GRXCR2: variants seen among roughly 807,000 people sequenced by gnomAD.
GRXCR2 encodes the protein glutaredoxin and cysteine rich domain containing 2.
Under a neutral mutation model 24.8 loss-of-function variants are expected in GRXCR2, and 23 were observed. That is an observed-to-expected ratio of 0.93 (90% CI 0.67 to 1.32). The LOEUF (loss-of-function observed/expected upper bound fraction) is 1.32. Among genes scored for constraint, GRXCR2 ranks in the 40% most tolerant of loss-of-function variants. GRXCR2 has a pLI of 0.00. For missense variants in GRXCR2, 315 were observed against 303.4 expected (o/e 1.04, Z -0.28); for synonymous variants, 130 against 116.1 (o/e 1.12, Z -0.77).
intron 2 of GRXCR2, among the ~76,000 whole-genome samples, chr5:145,928,774 G>A (rs1757435736): frequency 7.2e-6 from 1 of 139,282 alleles, no homozygotes; most frequent in Admixed American, 7.5e-5. Flanking sequence ...AGGGGGGAAG[G>A]ATAGCATTAG....
chr5:145,907,420 T>C (rs1411200925), intron 2 of GRXCR2, among the ~76,000 whole-genome samples: 1 of 151,966 alleles, frequency 6.6e-6, no homozygotes, highest in Non-Finnish European at 1.5e-5. Flanking sequence ...GCCCAGCTGC[T>C]TGGGAGGCCA....
chr5:145,862,488 T>C (rs1756355671), intron 2 of GRXCR2, among the ~76,000 whole-genome samples: 1 of 152,230 alleles, frequency 6.6e-6, no homozygotes, highest in Non-Finnish European at 1.5e-5. Context: ...AAGGCTTGTA[T>C]ACTATAAGCC....
intron 2 of GRXCR2, among the ~76,000 whole-genome samples, chr5:145,893,910 G>T: frequency 6.6e-6 from 1 of 151,970 alleles, no homozygotes; most frequent in Non-Finnish European, 1.5e-5. Flanking sequence ...AAATGTAAAA[G>T]AACAGAAATT....
At chr5:145,911,007 A>T (rs1757159229) in intron 2 of GRXCR2, among the ~76,000 whole-genome samples, 1 of 151,176 alleles carries the variant, frequency 6.6e-6, no homozygotes, top group Non-Finnish European at 1.5e-5. Flanking sequence ...TTTTTTTTGG[A>T]AGCAAATTTA....
At chr5:145,893,426 G>A (rs1756900492) in intron 2 of GRXCR2, among the ~76,000 whole-genome samples, 1 of 152,094 alleles carries the variant, frequency 6.6e-6, no homozygotes, top group Non-Finnish European at 1.5e-5. Context: ...CAAAATAAAG[G>A]GATGGAGGAA....
chr5:145,930,285 A>T (rs1757461318), intron 2 of GRXCR2, among the ~76,000 whole-genome samples: 1 of 152,060 alleles, frequency 6.6e-6, no homozygotes, highest in African/African-American at 2.4e-5. Context: ...AGGTTTTGCC[A>T]CGTTGCCCAG....
At chr5:145,874,445 G>A (rs1346449488), upstream of GRXCR2, among the ~76,000 whole-genome samples, 9 of 151,804 alleles carry the variant, frequency 5.9e-5, no homozygotes, top group African/African-American at 1.2e-4. Flanking sequence ...CTCGTGATCC[G>A]CCTGCCTTGA....
chr5:145,871,774 T>C (rs1438658080), intron 1 of GRXCR2, among the ~76,000 whole-genome samples: 2 of 152,248 alleles, frequency 1.3e-5, no homozygotes, highest in African/African-American at 4.8e-5. Flanking sequence ...AGTAATTATC[T>C]GGCTTTCACA....
intron 2 of GRXCR2, among the ~76,000 whole-genome samples, chr5:145,893,641 G>T (rs984264622): frequency 1.3e-5 from 2 of 151,978 alleles, no homozygotes; most frequent in Admixed American, 6.6e-5. Context: ...AGCAAGTCCT[G>T]AGTGACCTAC....
intron 2 of GRXCR2, among the ~76,000 whole-genome samples, chr5:145,901,308 G>GA (rs879527034): frequency 5.1e-4 from 75 of 146,144 alleles, no homozygotes; most frequent in African/African-American, 1.6e-3. Context: ...AAGTTGAAAT[G>GA]AAAAAAAAAA....
intron 2 of GRXCR2, among the ~76,000 whole-genome samples, chr5:145,923,701 C>G (rs570326940): frequency 3.3e-5 from 5 of 152,104 alleles, no homozygotes; most frequent in Non-Finnish European, 7.4e-5. Flanking sequence ...TGGTATGTAT[C>G]CTTACAAAAT....
At chr5:145,874,549 C>T (rs1174227814), upstream of GRXCR2, among the ~76,000 whole-genome samples, 2 of 152,170 alleles carry the variant, frequency 1.3e-5, no homozygotes, top group Admixed American at 1.3e-4. Context: ...CTACCCCTAT[C>T]ACCCTGGCCC....
intron 2 of GRXCR2, among the ~76,000 whole-genome samples, chr5:145,913,326 T>A (rs773928419): frequency 1.1e-4 from 16 of 152,120 alleles, no homozygotes; most frequent in Admixed American, 6.5e-4. Context: ...AAGGCCTGCA[T>A]CATCTAGGAT....
At chr5:145,885,904 G>T (rs340043) in intron 2 of GRXCR2, among the ~76,000 whole-genome samples, 10,896 of 152,154 alleles carry the variant, frequency 0.072, 1,229 homozygotes, top group African/African-American at 0.24. Context: ...GAAAAAGGTA[G>T]TTCACAGTCG....
chr5:145,873,150 A>C (rs1245604148), upstream of GRXCR2: 1 of 600,892 alleles, frequency 1.7e-6, no homozygotes, highest in Non-Finnish European at 2.9e-6. Flanking sequence ...CCTCATGAAA[A>C]GGCAGGTGAT....
chr5:145,887,533 T>G (rs1756795180), intron 2 of GRXCR2, among the ~76,000 whole-genome samples: 1 of 152,202 alleles, frequency 6.6e-6, no homozygotes, highest in South Asian at 2.1e-4. Context: ...GCTAGGGATG[T>G]TAGACATTCT....
chr5:145,890,785 T>G (rs1011998291), intron 2 of GRXCR2, among the ~76,000 whole-genome samples: 2 of 151,384 alleles, frequency 1.3e-5, no homozygotes, highest in Non-Finnish European at 2.9e-5. Context: ...TAATTTTGAA[T>G]GCAGATGGTC....
chr5:145,889,896 A>T (rs1756839329), intron 2 of GRXCR2, among the ~76,000 whole-genome samples: 1 of 152,222 alleles, frequency 6.6e-6, no homozygotes, highest in South Asian at 2.1e-4. Context: ...CAGAAAATGA[A>T]GGAAGAGATA....
intron 2 of GRXCR2, among the ~76,000 whole-genome samples, chr5:145,902,012 C>A (rs13162734): frequency 0.047 from 7,097 of 152,232 alleles, 310 homozygotes; most frequent in African/African-American, 0.11. Context: ...AAAGAAAAGA[C>A]TTGAAGATGA....
Sources: gnomAD v4.1 joint callset for allele counts (sites outside exome capture counted in the v4.1 genomes callset) on GRCh38, gnomAD v4.1.1 for gene constraint, MANE v1.5 for transcripts, NCBI Gene and HGNC (gene_info 2026-07-23, HGNC 2026-07-21) for gene names.